The following FHIP1A variants were observed in gnomAD, a reference collection of about 807,000 sequenced individuals.
FHIP1A encodes the protein FHF complex subunit HOOK interacting protein 1A, also known as FHF complex subunit HOOK-interacting protein 1A.
A neutral mutation model predicts 88.6 loss-of-function variants in FHIP1A; 61 were observed. The ratio of observed to expected loss-of-function variants is 0.69; its 90% CI spans 0.56 to 0.85. The LOEUF (loss-of-function observed/expected upper bound fraction) is 0.85. FHIP1A is among the 40% of genes least tolerant of loss of function. FHIP1A has a pLI of 0.00. For synonymous variants in FHIP1A, 478 were observed against 496.0 expected (o/e 0.96, Z 0.48); for missense variants, 1,154 against 1,273.5 (o/e 0.91, Z 1.43).
At chr4:151,564,611 C>G (rs1415939292) in intron 3 of FHIP1A, among the ~76,000 whole-genome samples, 1 of 152,086 alleles carries the variant, frequency 6.6e-6, no homozygotes, top group Non-Finnish European at 1.5e-5. Flanking sequence ...TGGACAGTGT[C>G]CACTGAAAAC....
intron 3 of FHIP1A, among the ~76,000 whole-genome samples, chr4:151,536,302 T>A (rs1391864068): frequency 6.6e-6 from 1 of 152,242 alleles, no homozygotes; most frequent in African/African-American, 2.4e-5. Context: ...GTTTTACTTG[T>A]GCTCTTTGTG....
At chr4:151,516,999 A>G (rs1238071811) in intron 3 of FHIP1A, among the ~76,000 whole-genome samples, 2 of 152,218 alleles carry the variant, frequency 1.3e-5, no homozygotes, top group Non-Finnish European at 2.9e-5. Context: ...AGACACATGC[A>G]CACGTATGTT....
At chr4:151,641,067 T>A (rs1736570344) in intron 9 of FHIP1A, among the ~76,000 whole-genome samples, 1 of 151,342 alleles carries the variant, frequency 6.6e-6, no homozygotes, top group South Asian at 2.1e-4. Flanking sequence ...AAAAAAAAAA[T>A]GCCAGACCTG....
intron 3 of FHIP1A, among the ~76,000 whole-genome samples, chr4:151,516,162 T>G (rs988160357): frequency 1.3e-5 from 2 of 152,108 alleles, no homozygotes; most frequent in Non-Finnish European, 2.9e-5. Context: ...CTACAACTGT[T>G]TGATCTTTGA....
intron 5 of FHIP1A, among the ~76,000 whole-genome samples, chr4:151,583,343 T>C (rs1043492124): frequency 1.3e-5 from 2 of 152,214 alleles, no homozygotes; most frequent in African/African-American, 4.8e-5. Context: ...GACTTCTTAT[T>C]CAGCTGTCAC....
At chr4:151,434,155 C>T (rs1733711133) in intron 1 of FHIP1A, among the ~76,000 whole-genome samples, 1 of 152,160 alleles carries the variant, frequency 6.6e-6, no homozygotes, top group Non-Finnish European at 1.5e-5. Flanking sequence ...TTCATGGTCT[C>T]CATTTTGAAT....
At chr4:151,432,841 T>C (rs1374155916) in intron 1 of FHIP1A, among the ~76,000 whole-genome samples, 4 of 152,068 alleles carry the variant, frequency 2.6e-5, no homozygotes, top group Admixed American at 1.3e-4. Flanking sequence ...TGATGATTAC[T>C]CTCTGGAATT....
At chr4:151,653,992 C>G (rs1343699627) in intron 11 of FHIP1A, among the ~76,000 whole-genome samples, 1 of 151,898 alleles carries the variant, frequency 6.6e-6, no homozygotes, top group Non-Finnish European at 1.5e-5. Flanking sequence ...TCCAGAAACA[C>G]CTGCGGCTTC....
At chr4:151,549,087 T>G (rs58977077) in intron 3 of FHIP1A, among the ~76,000 whole-genome samples, 49,061 of 151,548 alleles carry the variant, frequency 0.32, 7,920 homozygotes, top group Non-Finnish European at 0.34. Context: ...AGAGGGCAGG[T>G]GTATGAGCCA....
At chr4:151,512,299 A>C (rs1304160970) in intron 3 of FHIP1A, among the ~76,000 whole-genome samples, 2 of 152,198 alleles carry the variant, frequency 1.3e-5, no homozygotes, top group African/African-American at 4.8e-5. Flanking sequence ...CATCACCATC[A>C]TCAAAGACCA....
At chr4:151,575,023 T>C (rs1248640557) in intron 4 of FHIP1A, among the ~76,000 whole-genome samples, 1 of 152,170 alleles carries the variant, frequency 6.6e-6, no homozygotes, top group African/African-American at 2.4e-5. Context: ...GCAGGAACAA[T>C]TTTATAGCTC....
chr4:151,474,538 T>A (rs2126623466), intron 2 of FHIP1A, among the ~76,000 whole-genome samples: 1 of 152,358 alleles, frequency 6.6e-6, no homozygotes, highest in Admixed American at 6.5e-5. Context: ...ACATTAAGAA[T>A]ACCTGACTGT....
At chr4:151,611,684 C>G (rs1274551027) in intron 7 of FHIP1A, among the ~76,000 whole-genome samples, 1 of 152,084 alleles carries the variant, frequency 6.6e-6, no homozygotes, top group Non-Finnish European at 1.5e-5. Flanking sequence ...AGATAGCATT[C>G]TGTTTGTCTG....
chr4:151,523,823 T>A (rs1731533604), intron 3 of FHIP1A, among the ~76,000 whole-genome samples: 1 of 152,212 alleles, frequency 6.6e-6, no homozygotes, highest in East Asian at 1.9e-4. Flanking sequence ...TAATACTATT[T>A]GTGAACAACC....
intron 3 of FHIP1A, among the ~76,000 whole-genome samples, chr4:151,496,101 A>G (rs371605719): frequency 1.3e-5 from 2 of 152,068 alleles, no homozygotes; most frequent in East Asian, 3.8e-4. Context: ...CCCATGGCAT[A>G]TATATCCTAT....
intron 3 of FHIP1A, among the ~76,000 whole-genome samples, chr4:151,513,923 G>A (rs990618636): frequency 1.4e-4 from 21 of 150,294 alleles, no homozygotes; most frequent in African/African-American, 4.9e-4. Context: ...GGATACCCAG[G>A]AATTGAACTC....
At chr4:151,593,160 C>T (rs1734505246) in intron 7 of FHIP1A, among the ~76,000 whole-genome samples, 1 of 152,176 alleles carries the variant, frequency 6.6e-6, no homozygotes. Flanking sequence ...GTTTTTGTTA[C>T]TGTAGCCTTG....
At chr4:151,613,849 C>T (rs766521208) in intron 7 of FHIP1A, among the ~76,000 whole-genome samples, 2 of 152,168 alleles carry the variant, frequency 1.3e-5, no homozygotes, top group Non-Finnish European at 2.9e-5. Flanking sequence ...TTGAGAACCA[C>T]TGCCACAAGA....
chr4:151,583,257 A>T (rs1734089602), intron 5 of FHIP1A, among the ~76,000 whole-genome samples: 1 of 152,214 alleles, frequency 6.6e-6, no homozygotes, highest in South Asian at 2.1e-4. Flanking sequence ...ATTCCGCAGA[A>T]TATTTTCTCC....
Sources: gnomAD v4.1 joint callset for allele counts (sites outside exome capture counted in the v4.1 genomes callset) on GRCh38, gnomAD v4.1.1 for gene constraint, MANE v1.5 for transcripts, NCBI Gene and HGNC (gene_info 2026-07-23, HGNC 2026-07-21) for gene names.